HHAT: variants seen among roughly 807,000 people sequenced by gnomAD.
HHAT encodes protein-cysteine N-palmitoyltransferase HHAT.
HHAT carries 47 observed loss-of-function variants against 70.8 expected under a neutral mutation model. That is an observed-to-expected ratio of 0.66 (90% CI 0.53 to 0.85). The LOEUF (loss-of-function observed/expected upper bound fraction) is 0.85, where lower values mean the gene tolerates loss of function less well. Ranked by LOEUF, HHAT falls within the 40% of genes least tolerant of loss-of-function variation. The probability of loss-of-function intolerance (pLI) is 0.00; values close to 1 mark genes in which losing one functional copy is unlikely to be tolerated. For missense variants in HHAT, 609 were observed against 604.8 expected (o/e 1.01, Z -0.07); for synonymous variants, 228 against 247.6 (o/e 0.92, Z 0.74).
At chr1:210,389,972 GT>G (rs892703604) in intron 4 of HHAT, among the ~76,000 whole-genome samples, 4 of 151,958 alleles carry the variant, frequency 2.6e-5, no homozygotes, top group Non-Finnish European at 4.4e-5. Context: ...GATAGTATTA[GT>G]TTTTTTTCTC....
At chr1:210,549,283 G>A (rs1027082813) in intron 9 of HHAT, among the ~76,000 whole-genome samples, 5 of 149,060 alleles carry the variant, frequency 3.4e-5, no homozygotes, top group Non-Finnish European at 2.9e-5. Context: ...TTTCAGTTTA[G>A]GTTTCTATAA....
chr1:210,657,830 T>A (rs1232701612), intron 11 of HHAT, among the ~76,000 whole-genome samples: 1 of 152,120 alleles, frequency 6.6e-6, no homozygotes, highest in Non-Finnish European at 1.5e-5. Flanking sequence ...AGATGCCTCT[T>A]CTCCCAGGCA....
chr1:210,662,722 G>A (rs908515386), intron 11 of HHAT, among the ~76,000 whole-genome samples: 3 of 151,544 alleles, frequency 2.0e-5, no homozygotes, highest in Admixed American at 2.0e-4. Context: ...AGTGGCTCTG[G>A]CTAGTTCTCC....
At chr1:210,405,713 T>A (rs183995869) in intron 6 of HHAT, among the ~76,000 whole-genome samples, 109 of 152,312 alleles carry the variant, frequency 7.2e-4, no homozygotes, top group African/African-American at 2.6e-3. Flanking sequence ...ATTATAACAA[T>A]AACATAATGT....
intron 9 of HHAT, among the ~76,000 whole-genome samples, chr1:210,536,692 G>A (rs2095375482): frequency 6.6e-6 from 1 of 152,232 alleles, no homozygotes; most frequent in South Asian, 2.1e-4. Flanking sequence ...ATCAGGGGCA[G>A]TAGCAAAGAC....
intron 9 of HHAT, among the ~76,000 whole-genome samples, chr1:210,573,178 A>G (rs926317502): frequency 6.6e-6 from 1 of 152,256 alleles, no homozygotes; most frequent in South Asian, 2.1e-4. Context: ...AGACCTTTCG[A>G]GAGGCCTCAT....
At chr1:210,486,319 A>G (rs2094472245) in intron 8 of HHAT, among the ~76,000 whole-genome samples, 1 of 152,194 alleles carries the variant, frequency 6.6e-6, no homozygotes, top group Non-Finnish European at 1.5e-5. Context: ...CATATTTTTG[A>G]ATTCCTCCTA....
intron 9 of HHAT, among the ~76,000 whole-genome samples, chr1:210,532,220 C>A (rs143396364): frequency 4.7e-4 from 71 of 152,242 alleles, no homozygotes; most frequent in African/African-American, 1.6e-3. Context: ...ACATTTTAAT[C>A]AATTTTTAAG....
intron 10 of HHAT, among the ~76,000 whole-genome samples, chr1:210,622,127 C>T (rs199506949): frequency 6.6e-6 from 1 of 152,298 alleles, no homozygotes; most frequent in East Asian, 1.9e-4. Context: ...GCTGAAGACT[C>T]GCCCTCCAAT....
chr1:210,388,884 A>T (rs1374356892), intron 4 of HHAT, among the ~76,000 whole-genome samples: 1 of 152,132 alleles, frequency 6.6e-6, no homozygotes, highest in Non-Finnish European at 1.5e-5. Flanking sequence ...AAATAGCTTC[A>T]TACCTGTTTT....
chr1:210,378,632 G>C (rs2090407100), intron 3 of HHAT, among the ~76,000 whole-genome samples: 1 of 152,012 alleles, frequency 6.6e-6, no homozygotes, highest in African/African-American at 2.4e-5. Flanking sequence ...TTAAATAAAA[G>C]TAATTGGGAT....
chr1:210,666,817 G>A (rs1245610715), intron 11 of HHAT, among the ~76,000 whole-genome samples: 2 of 152,020 alleles, frequency 1.3e-5, no homozygotes, highest in Non-Finnish European at 2.9e-5. Context: ...CTGGGGCCAG[G>A]TACCGTGGCT....
At chr1:210,530,209 C>T (rs1243612694) in intron 9 of HHAT, among the ~76,000 whole-genome samples, 1 of 152,042 alleles carries the variant, frequency 6.6e-6, no homozygotes, top group Non-Finnish European at 1.5e-5. Context: ...ACCTATGCAA[C>T]TTTGTCCAGA....
rs71146233 is a variant in HHAT at position 210,569,373 on chromosome 1, C to CAAAAAAA, written c.1044-18505_1044-18499dup. Among the ~76,000 whole-genome samples the CAAAAAAA allele has an allele frequency of 2.9e-3, 81 of 28,338 alleles. 8 individuals carry two copies. Among genetic ancestry groups the CAAAAAAA allele is most frequent in the African/African-American group, 8.6e-3 (70 of 8,134 alleles). 18.6% of individuals were successfully genotyped at this position (28,338 alleles called of 152,430 possible). On this transcript the variant is annotated intron_variant, in intron 9 of 11. Transcript: ENST00000261458. ...CGGGCGACAGAGCCAGAGTCTGCCT[C>CAAAAAAA]AAAAAAAAAAAAAAAAAAAAAAAAA...
chr1:210,538,401 G>GGA (rs2095396152), intron 9 of HHAT, among the ~76,000 whole-genome samples: 8 of 151,944 alleles, frequency 5.3e-5, no homozygotes, highest in Admixed American at 5.2e-4. Flanking sequence ...ATAAAAAACA[G>GGA]GAAAAATATT....
At position 210,531,121 on chromosome 1, in the gene HHAT, C is replaced by T. The variant is rs145247753; in HGVS notation, c.1043+17933C>T. Among the ~76,000 whole-genome samples the T allele has an allele frequency of 1.3e-3, 197 of 152,312 alleles. 1 individual carries two copies. The highest frequency in any genetic ancestry group is 4.5e-3 in the African/African-American group (189 of 41,568). On this transcript the variant is annotated intron_variant, in intron 9 of 11. Coordinates refer to ENST00000261458, the MANE Select transcript of HHAT (RefSeq NM_018194.6). The stretch of plus-strand genomic sequence containing the variant: ...GACTACAAACCTGTGTACTGTGTTA[C>T]TGTACTGAATACTACAGGCAGTTGT...
chr1:210,634,987 G>A (rs565982723), intron 11 of HHAT, among the ~76,000 whole-genome samples: 2 of 152,254 alleles, frequency 1.3e-5, no homozygotes, highest in East Asian at 3.9e-4. Context: ...AGGGTTTTGG[G>A]GACATAGTGC....
intron 11 of HHAT, among the ~76,000 whole-genome samples, chr1:210,635,469 A>G (rs1023423138): frequency 1.2e-4 from 19 of 152,186 alleles, no homozygotes; most frequent in African/African-American, 3.4e-4. Flanking sequence ...AGATCTATCT[A>G]GAGGTCATGT....
chr1:210,590,218 C>G (rs531610209), intron 10 of HHAT: 3 of 152,186 alleles, frequency 2.0e-5, no homozygotes, highest in Admixed American at 6.5e-5. Flanking sequence ...TAGTTCCACA[C>G]AACATCCAAA....
Sources: gnomAD v4.1 joint callset for allele counts (sites outside exome capture counted in the v4.1 genomes callset) on GRCh38, gnomAD v4.1.1 for gene constraint, MANE v1.5 for transcripts, NCBI Gene and HGNC (gene_info 2026-07-23, HGNC 2026-07-21) for gene names.